KCNQ1OT1: variants seen among roughly 807,000 people sequenced by gnomAD.
The protein encoded by KCNQ1OT1 is KCNQ1 opposite strand/antisense transcript 1.
chr11:2,685,757 C>T (rs1210563923), exon 1 of KCNQ1OT1: 7 of 398,562 alleles, frequency 1.8e-5, no homozygotes, highest in Non-Finnish European at 2.7e-5. Context: ...AGGCAGGCAT[C>T]CTCCCAGGTG....
Position 2,627,763 on chromosome 11 carries a change from CTTTT to C in KCNQ1OT1, n.72228_72231del, listed in dbSNP as rs1237833170. On this transcript the variant is annotated non_coding_transcript_exon_variant, in exon 1 of 1. Transcript: ENST00000597346. The surrounding 1 kb of genome is among the most constrained non-coding windows in gnomAD (Gnocchi z 4.9). Reference sequence around the variant, plus strand: ...CACACACACACTATTTTCTTCCTTTCTTTTTGAGACAGGGTCTCCATCTGTCATC... The same window carrying C: ...CACACACACACTATTTTCTTCCTTTCTGAGACAGGGTCTCCATCTGTCATC... The C allele has an allele frequency of 2.5e-6, 1 of 397,998 alleles. No homozygotes were observed. The highest frequency in any genetic ancestry group is 2.1e-5 in the African/African-American group (1 of 48,496). 24.7% of individuals were successfully genotyped at this position (397,998 alleles called of 1,614,324 possible). A position where few individuals can be genotyped will look rare whatever the true frequency, so the allele number is the denominator to read the frequency against.
exon 1 of KCNQ1OT1, chr11:2,643,782 T>G: frequency 2.5e-6 from 1 of 398,634 alleles, no homozygotes; most frequent in East Asian, 3.6e-5. Flanking sequence ...GCCAGTGTAG[T>G]GGCAATTAAT....
Position 2,678,483 on chromosome 11 carries a change from A to C in KCNQ1OT1, n.21512T>G. 5.0e-6 allele frequency: 2 copies of C among 398,522 alleles called. No homozygotes were observed. Among genetic ancestry groups the C allele is most frequent in the East Asian group, 7.1e-5 (2 of 28,084 alleles). 24.7% of individuals were successfully genotyped at this position (398,522 alleles called of 1,614,324 possible). ...TACCTTTATCATATTTCAAACTCTC[A>C]TTTAATTTGTGTCCATTTCTAGACT... is the stretch of plus-strand genomic sequence containing the variant. On this transcript the variant is annotated non_coding_transcript_exon_variant, in exon 1 of 1. Coordinates refer to ENST00000597346, the Ensembl canonical transcript of KCNQ1OT1. The surrounding 1 kb of genome is among the most constrained non-coding windows in gnomAD (Gnocchi z 4.9).
chr11:2,698,803 G>A lies in KCNQ1OT1; in HGVS notation n.1192C>T. 1.3e-5 allele frequency: 5 copies of A among 398,610 alleles called. No individual in the cohort carries two copies. Among genetic ancestry groups the A allele is most frequent in the Middle Eastern group, 6.3e-4 (1 of 1,588 alleles). 24.7% of individuals were successfully genotyped at this position (398,610 alleles called of 1,614,324 possible). On this transcript the variant is annotated non_coding_transcript_exon_variant, in exon 1 of 1. Transcript: ENST00000597346. The surrounding 1 kb of genome is among the most constrained non-coding windows in gnomAD (Gnocchi z 5.1). ...ATTCAGGTCCCCAACTCAGACTCCC[G>A]ATCCTCTGTCCCTAATGAGGCCCTA...
Position 2,669,403 on chromosome 11 carries a change from T to C in KCNQ1OT1, n.30592A>G. Reference sequence around the variant, plus strand: ...TTGGGGCTCCTGAAACATGGCATCATGTGTCCCTTGTTTATTTAGGTTGAC... The same window carrying C: ...TTGGGGCTCCTGAAACATGGCATCACGTGTCCCTTGTTTATTTAGGTTGAC... On this transcript the variant is annotated non_coding_transcript_exon_variant, in exon 1 of 1. Transcript: ENST00000597346. This position sits in a 1 kb window ranked among gnomAD's most constrained non-coding sequence, Gnocchi z 5.6. 3 of 398,682 alleles carry C rather than the reference T, an allele frequency of 7.5e-6. No individual in the cohort carries two copies. Among genetic ancestry groups the C allele is most frequent in the Non-Finnish European group, 1.3e-5 (3 of 226,086 alleles). The allele number at this position is 398,682 out of a possible 1,614,324, so 24.7% of individuals were successfully genotyped here.
At chr11:2,666,130 C>G (rs1463941785) in exon 1 of KCNQ1OT1, 4 of 398,622 alleles carry the variant, frequency 1.0e-5, no homozygotes, top group Non-Finnish European at 1.8e-5. Context: ...GCCCCTGTCT[C>G]TTCTGTTTTG....
exon 1 of KCNQ1OT1, chr11:2,643,729 T>A: frequency 2.5e-6 from 1 of 398,580 alleles, no homozygotes; most frequent in South Asian, 1.3e-4. Context: ...GAAGTTGTCC[T>A]TTCACTTCTT....
chr11:2,612,515 C>T lies in KCNQ1OT1; in HGVS notation n.87480G>A. On this transcript the variant is annotated non_coding_transcript_exon_variant, in exon 1 of 1. Coordinates refer to ENST00000597346, the Ensembl canonical transcript of KCNQ1OT1. This position sits in a 1 kb window ranked among gnomAD's most constrained non-coding sequence, Gnocchi z 5.5. ...TCATTGATTCTTTCTTCTGCCAGGT[C>T]AAATTTGCTTAGCCGCACTAGTGAG... 1 of 398,564 alleles carries T rather than the reference C, an allele frequency of 2.5e-6. No homozygotes were observed. The highest frequency in any genetic ancestry group is 3.6e-5 in the East Asian group (1 of 28,074). The allele number at this position is 398,564 out of a possible 1,614,324, so 24.7% of individuals were successfully genotyped here.
At chr11:2,610,391 G>A (rs919765510) in exon 1 of KCNQ1OT1, 39 of 398,148 alleles carry the variant, frequency 9.8e-5, no homozygotes, top group African/African-American at 7.4e-4. Context: ...TGAAAGGAGA[G>A]CAAGTATATA....
exon 1 of KCNQ1OT1, chr11:2,699,188 C>T: frequency 2.5e-6 from 1 of 398,762 alleles, no homozygotes; most frequent in Non-Finnish European, 4.4e-6. Flanking sequence ...ACCCGGAATC[C>T]GATCCTTGGG....
In KCNQ1OT1 at chr11:2,613,904, A is replaced by T. The variant is rs1849019100; in HGVS notation, n.86091T>A. On this transcript the variant is annotated non_coding_transcript_exon_variant, in exon 1 of 1. Transcript: ENST00000597346. This position sits in a 1 kb window ranked among gnomAD's most constrained non-coding sequence, Gnocchi z 4.8. ...TGATTATTTTCTCATTTCCCAAAAA[A>T]GTACTATTCTGTATATGCCCTTTTG... is the stretch of plus-strand genomic sequence containing the variant. The T allele has an allele frequency of 1.8e-5, 7 of 398,482 alleles. No individual in the cohort carries two copies. In the Admixed American group the frequency reaches 2.6e-4, roughly 15 times the overall value. The allele number at this position is 398,482 out of a possible 1,614,324, so 24.7% of individuals were successfully genotyped here.
chr11:2,651,419 C>G lies in KCNQ1OT1; in HGVS notation n.48576G>C. ...CACTTTCCATTCCTTTTGGCCTGCC[C>G]TGTGTGCAGCTCAGCAAGTGCCTGA... is the stretch of plus-strand genomic sequence containing the variant. On this transcript the variant is annotated non_coding_transcript_exon_variant, in exon 1 of 1. Transcript: ENST00000597346. This position sits in a 1 kb window ranked among gnomAD's most constrained non-coding sequence, Gnocchi z 6.1. The G allele has an allele frequency of 2.5e-6, 1 of 398,694 alleles. No homozygotes were observed. Among genetic ancestry groups the G allele is most frequent in the East Asian group, 3.6e-5 (1 of 28,080 alleles). 24.7% of individuals were successfully genotyped at this position (398,694 alleles called of 1,614,324 possible).
At position 2,663,439 on chromosome 11, in the gene KCNQ1OT1, T is replaced by G. The variant is rs1221239580; in HGVS notation, n.36556A>C. On this transcript the variant is annotated non_coding_transcript_exon_variant, in exon 1 of 1. Transcript: ENST00000597346. This position sits in a 1 kb window ranked among gnomAD's most constrained non-coding sequence, Gnocchi z 5.2. ...GGCCTGTACCAAGTCCTGGATATGATGGACCTCCAAAGTGATCAGTGTTAG... is the reference window on the plus strand; with the variant it reads ...GGCCTGTACCAAGTCCTGGATATGAGGGACCTCCAAAGTGATCAGTGTTAG... 1.0e-5 allele frequency: 4 copies of G among 398,670 alleles called. No individual in the cohort carries two copies. Among genetic ancestry groups the G allele is most frequent in the Non-Finnish European group, 1.8e-5 (4 of 226,176 alleles). 24.7% of individuals were successfully genotyped at this position (398,670 alleles called of 1,614,324 possible).
In KCNQ1OT1 at chr11:2,674,995, A is replaced by G; in HGVS notation, n.25000T>C. ...TTTCCTCTTACAGTGGCGGGCACTC[A>G]GCCGGCTTCTTCCCGCCTGACTTCT... On this transcript the variant is annotated non_coding_transcript_exon_variant, in exon 1 of 1. Coordinates refer to ENST00000597346, the Ensembl canonical transcript of KCNQ1OT1. This position sits in a 1 kb window ranked among gnomAD's most constrained non-coding sequence, Gnocchi z 5.9. 1 of 398,360 alleles carries G rather than the reference A, an allele frequency of 2.5e-6. No homozygotes were observed. The highest frequency in any genetic ancestry group is 4.4e-6 in the Non-Finnish European group (1 of 226,036). The allele number at this position is 398,360 out of a possible 1,614,324, so 24.7% of individuals were successfully genotyped here.
chr11:2,668,927 C>G lies in KCNQ1OT1; in HGVS notation n.31068G>C, dbSNP rs892696576. 2.5e-5 allele frequency: 10 copies of G among 398,490 alleles called. No individual in the cohort carries two copies. The Admixed American group carries it at 2.6e-4, about 11-fold the overall frequency. 24.7% of individuals were successfully genotyped at this position (398,490 alleles called of 1,614,324 possible). On this transcript the variant is annotated non_coding_transcript_exon_variant, in exon 1 of 1. Coordinates refer to ENST00000597346, the Ensembl canonical transcript of KCNQ1OT1. This position sits in a 1 kb window ranked among gnomAD's most constrained non-coding sequence, Gnocchi z 4.3. ...TTATTCTAAAGCTTTATTAGCTCAC[C>G]TTTCCCATGTAGATCTGCACTCCAT... is the stretch of plus-strand genomic sequence containing the variant.
At chr11:2,681,345 T>C (rs1850393192) in exon 1 of KCNQ1OT1, 1 of 398,470 alleles carries the variant, frequency 2.5e-6, no homozygotes, top group Non-Finnish European at 4.4e-6. Flanking sequence ...GTCTTTTCCT[T>C]GTAGCTCCCT....
chr11:2,633,667 T>A (rs1428929493), exon 1 of KCNQ1OT1: 2 of 398,454 alleles, frequency 5.0e-6, no homozygotes, highest in African/African-American at 4.1e-5. Context: ...CAAAAACCAG[T>A]TGTCTGTAAA....
exon 1 of KCNQ1OT1, chr11:2,688,796 C>T (rs754643894): frequency 5.0e-6 from 2 of 398,788 alleles, no homozygotes; most frequent in Non-Finnish European, 4.4e-6. Flanking sequence ...TGCCCTCCCC[C>T]ACACACAGCC....
At position 2,611,630 on chromosome 11, in the gene KCNQ1OT1, C is replaced by T. The variant is rs966283706; in HGVS notation, n.88365G>A. On this transcript the variant is annotated non_coding_transcript_exon_variant, in exon 1 of 1. Transcript: ENST00000597346. This position sits in a 1 kb window ranked among gnomAD's most constrained non-coding sequence, Gnocchi z 5.3. Reference sequence around the variant, plus strand: ...AATCTAGAATGTGACTCTTATAGACCATATATATTTGGATCCTGCTTTTAA... The same window carrying T: ...AATCTAGAATGTGACTCTTATAGACTATATATATTTGGATCCTGCTTTTAA... The T allele has an allele frequency of 2.5e-6, 1 of 398,334 alleles. No individual in the cohort carries two copies. Among genetic ancestry groups the T allele is most frequent in the East Asian group, 3.6e-5 (1 of 28,072 alleles). The allele number at this position is 398,334 out of a possible 1,614,324, so 24.7% of individuals were successfully genotyped here. A position where few individuals can be genotyped will look rare whatever the true frequency, so the allele number is the denominator to read the frequency against.
Sources: gnomAD v4.1 joint callset for allele counts on GRCh38, gnomAD v4.1.1 for gene constraint, Gnocchi (gnomAD v3.1) non-coding constraint, MANE v1.5 for transcripts, NCBI Gene and HGNC (gene_info 2026-07-23, HGNC 2026-07-21) for gene names.